Variants in CSMD3 observed in about 807,000 individuals in gnomAD.
The protein encoded by CSMD3 is CUB and Sushi multiple domains 3.
A neutral mutation model predicts 435.2 loss-of-function variants in CSMD3; 177 were observed. That is an observed-to-expected ratio of 0.41 (90% confidence interval 0.36 to 0.46). The LOEUF is 0.46. Among genes scored for constraint, CSMD3 ranks in the 20% least tolerant of loss-of-function variants. The probability of loss-of-function intolerance (pLI) is 0.34; values close to 1 mark genes in which losing one functional copy is unlikely to be tolerated. For synonymous variants in CSMD3, 1,656 were observed against 1,520.5 expected (o/e 1.09, Z -2.07); for missense variants, 4,265 against 4,504.6 (o/e 0.95, Z 1.52).
chr8:112,658,715 T>C (rs185885661), intron 17 of CSMD3, among the ~76,000 whole-genome samples: 2 of 152,272 alleles, frequency 1.3e-5, no homozygotes, highest in Admixed American at 6.5e-5. Context: ...TCCAGCACTT[T>C]GGGAGGCTGA....
chr8:112,263,810 C>T lies in CSMD3; in HGVS notation c.9691G>A (p.Val3231Ile), dbSNP rs1332397050. The stretch of plus-strand genomic sequence containing the variant: ...ATCTGGGGAGGAGTTGGGCAGGTAA[C>T]AGCTGCAATTACATTAAAAGTGATT... ...WSGVMPTCRA[V>I]TCPTPPQISN... is the part of the protein sequence containing the mutation. The change falls in exon 61 of 71, where the codon GTT becomes ATT. Residue 3231 changes from valine (V) to isoleucine (I), a missense_variant and splice_region_variant. By Grantham distance (29) the Val-to-Ile change is conservative (BLOSUM62 3). Around this residue, in one of 3 missense-constraint regions of CSMD3, gnomAD observed 3,255 missense variants for 3,380.2 expected, o/e 0.96. Transcript: ENST00000297405. The T allele has an allele frequency of 3.1e-6, 5 of 1,613,204 alleles. No homozygotes were observed. Among genetic ancestry groups the T allele is most frequent in the Non-Finnish European group, 4.2e-6 (5 of 1,179,356 alleles).
rs1457833553 is a variant in CSMD3, at chr8:113,403,989, A to G, written c.178+32688T>C. Among the ~76,000 whole-genome samples, 3 of 151,426 alleles carry G rather than the reference A, an allele frequency of 2.0e-5. No homozygotes were observed. The East Asian group carries it at 5.8e-4, about 29-fold the overall frequency. On this transcript the variant is annotated intron_variant, in intron 1 of 70. Transcript: ENST00000297405. Reference sequence around the variant, plus strand: ...ATTCCAAAAACCAACTTAACAAAATACATATGTGGATTTGAAACATTAATA... The same window carrying G: ...ATTCCAAAAACCAACTTAACAAAATGCATATGTGGATTTGAAACATTAATA...
chr8:113,075,293 A>G (rs1305666124), intron 5 of CSMD3, among the ~76,000 whole-genome samples: 1 of 151,850 alleles, frequency 6.6e-6, no homozygotes, highest in Non-Finnish European at 1.5e-5. Flanking sequence ...AAGTCTTTTC[A>G]AAGAAAGGAT....
rs1311129499 is a variant in CSMD3, at chr8:112,597,578, AG to A, written c.3716-10344del. Among the ~76,000 whole-genome samples, 10 of 118,272 alleles carry A rather than the reference AG, an allele frequency of 8.5e-5. 1 individual carries two copies. In the Admixed American group the frequency reaches 8.5e-4, roughly 10 times the overall value. 77.6% of individuals were successfully genotyped at this position (118,272 alleles called of 152,430 possible). ...AGACACAACCAAAAAAGAGAATTTT[AG>A]ACCAATATCCTTGATGAACATTGAT... On this transcript the variant is annotated intron_variant, in intron 22 of 70. Transcript: ENST00000297405.
intron 58 of CSMD3, 94 bp from the exon 59 acceptor site, chr8:112,281,444 C>A: frequency 1.0e-6 from 1 of 991,498 alleles, no homozygotes. Context: ...TCAAATTATT[C>A]AAAGAAGCAA....
At chr8:113,013,945 G>A (rs1030581071) in intron 6 of CSMD3, among the ~76,000 whole-genome samples, 1 of 152,144 alleles carries the variant, frequency 6.6e-6, no homozygotes, top group Non-Finnish European at 1.5e-5. Context: ...CAGAAGTGAG[G>A]TGGAGGCCAC....
intron 3 of CSMD3, among the ~76,000 whole-genome samples, chr8:113,197,360 A>G (rs575832554): frequency 6.6e-6 from 1 of 151,264 alleles, no homozygotes; most frequent in African/African-American, 2.4e-5. Context: ...CCACATCACC[A>G]AGACATTTCA....
At chr8:113,075,204 C>T (rs914819820) in intron 5 of CSMD3, among the ~76,000 whole-genome samples, 3 of 151,588 alleles carry the variant, frequency 2.0e-5, no homozygotes, top group Admixed American at 6.6e-5. Flanking sequence ...GTATTAAAAA[C>T]AAATTTTAAT....
At chr8:112,570,578 T>C (rs866919209) in intron 24 of CSMD3, among the ~76,000 whole-genome samples, 2 of 152,190 alleles carry the variant, frequency 1.3e-5, no homozygotes, top group Non-Finnish European at 2.9e-5. Flanking sequence ...ACAAATAGTA[T>C]ATACTTGGAG....
At chr8:112,485,690 A>G (rs1820055279) in intron 31 of CSMD3, among the ~76,000 whole-genome samples, 1 of 152,196 alleles carries the variant, frequency 6.6e-6, no homozygotes. Flanking sequence ...TTGGTAAATT[A>G]GAGATGACTT....
At chr8:113,206,484 ATTC>A (rs2092772365) in intron 3 of CSMD3, among the ~76,000 whole-genome samples, 1 of 152,022 alleles carries the variant, frequency 6.6e-6, no homozygotes, top group Non-Finnish European at 1.5e-5. Context: ...AGAAATTTAT[ATTC>A]TTCATTTTTC....
At chr8:113,002,811 T>G (rs1022536937) in intron 6 of CSMD3, among the ~76,000 whole-genome samples, 1 of 152,170 alleles carries the variant, frequency 6.6e-6, no homozygotes, top group African/African-American at 2.4e-5. Flanking sequence ...TCACCTGATA[T>G]CTAACACAAT....
chr8:112,240,397 T>G (rs1425913896), intron 66 of CSMD3, among the ~76,000 whole-genome samples: 1 of 152,082 alleles, frequency 6.6e-6, no homozygotes, highest in East Asian at 1.9e-4. Flanking sequence ...GTTTTCTGAC[T>G]CCATTGCAAA....
rs780039574 is a variant in CSMD3, at chr8:113,200,266, G to A, written c.515-26350C>T. ...CCCCCAAACTATACTGCACATTTGC[G>A]CCCTTCTTTCAATCTCCATTGCTAC... On this transcript the variant is annotated intron_variant, in intron 3 of 70. Coordinates refer to ENST00000297405, the MANE Select transcript of CSMD3 (RefSeq NM_198123.2). Among the ~76,000 whole-genome samples, 76 of 151,358 alleles carry A rather than the reference G, an allele frequency of 5.0e-4. 1 individual carries two copies. The highest frequency in any genetic ancestry group is 3.9e-4 in the East Asian group (2 of 5,124).
intron 38 of CSMD3, among the ~76,000 whole-genome samples, chr8:112,376,000 C>T (rs2131208820): frequency 6.6e-6 from 1 of 152,202 alleles, no homozygotes; most frequent in African/African-American, 2.4e-5. Context: ...ATAGCTCTGT[C>T]TGAACATGAA....
At chr8:113,387,950 G>A (rs970162943) in intron 1 of CSMD3, among the ~76,000 whole-genome samples, 1 of 151,674 alleles carries the variant, frequency 6.6e-6, no homozygotes, top group African/African-American at 2.4e-5. Context: ...AAACTGGACA[G>A]AAGAACAGTA....
intron 1 of CSMD3, among the ~76,000 whole-genome samples, chr8:113,378,165 G>C (rs1007456900): frequency 6.6e-6 from 1 of 152,018 alleles, no homozygotes; most frequent in African/African-American, 2.4e-5. Context: ...TTTATTCTTG[G>C]TATGACAATT....
intron 1 of CSMD3, among the ~76,000 whole-genome samples, chr8:113,319,341 G>C (rs1395511598): frequency 6.6e-6 from 1 of 151,566 alleles, no homozygotes; most frequent in Non-Finnish European, 1.5e-5. Context: ...ATACCTTTTT[G>C]CCATTTTATA....
At chr8:112,327,594 C>T (rs1377500621) in intron 45 of CSMD3, among the ~76,000 whole-genome samples, 1 of 152,162 alleles carries the variant, frequency 6.6e-6, no homozygotes, top group African/African-American at 2.4e-5. Context: ...AATAGATATT[C>T]ACACTTTAAA....
Sources: gnomAD v4.1 joint callset for allele counts (sites outside exome capture counted in the v4.1 genomes callset) on GRCh38, gnomAD v4.1.1 for gene constraint, gnomAD v4.1.1 regional missense constraint, MANE v1.5 for transcripts, NCBI Gene and HGNC (gene_info 2026-07-23, HGNC 2026-07-21) for gene names.